Variants in GCNT2 observed in about 807,000 individuals in gnomAD.
GCNT2 encodes the protein glucosaminyl (N-acetyl) transferase 2 (I blood group).
Under a neutral mutation model 34.2 loss-of-function variants are expected in GCNT2, and 34 were observed. That is an observed-to-expected ratio of 1.00 (90% CI 0.76 to 1.32). GCNT2 has a LOEUF of 1.32. Ranked by LOEUF, GCNT2 falls within the 40% of genes most tolerant of loss-of-function variation. The pLI, the probability that GCNT2 is intolerant of heterozygous loss-of-function variation, is 0.00. For missense variants in GCNT2, 584 were observed against 489.4 expected (o/e 1.19, Z -1.82); for synonymous variants, 212 against 188.0 (o/e 1.13, Z -1.04).
intron 3 of GCNT2, among the ~76,000 whole-genome samples, chr6:10,617,997 C>T (rs1348651555): frequency 2.0e-5 from 3 of 151,906 alleles, no homozygotes; most frequent in African/African-American, 7.3e-5. Flanking sequence ...TCAGGTGATC[C>T]GCCCGCCTCG....
rs368235402 is a variant in GCNT2, at chr6:10,581,275, T to C, written c.926-40076T>C. Among the ~76,000 whole-genome samples the C allele has an allele frequency of 4.6e-5, 7 of 152,296 alleles. No individual in the cohort carries two copies. The South Asian group carries it at 1.4e-3, about 32-fold the overall frequency. On this transcript the variant is annotated intron_variant, in intron 3 of 4. Coordinates refer to ENST00000495262, the MANE Select transcript of GCNT2 (RefSeq NM_145649.5). ...TATGTATGTATTTATTTATTTTTTA[T>C]TTTTTATTTTTTGAGATGGAGTTTT... is the stretch of plus-strand genomic sequence containing the variant.
intron 3 of GCNT2, among the ~76,000 whole-genome samples, chr6:10,616,206 G>A (rs1316891903): frequency 2.0e-5 from 3 of 152,142 alleles, no homozygotes; most frequent in African/African-American, 2.4e-5. Flanking sequence ...AAGGCGGTGC[G>A]TTTGGAATTG....
chr6:10,611,749 A>C (rs1307967853), intron 3 of GCNT2, among the ~76,000 whole-genome samples: 1 of 152,238 alleles, frequency 6.6e-6, no homozygotes, highest in Non-Finnish European at 1.5e-5. Flanking sequence ...TGTTAAAGTT[A>C]ATTGAATTAT....
chr6:10,564,647 G>A (rs1031415134), intron 3 of GCNT2, among the ~76,000 whole-genome samples: 35 of 152,254 alleles, frequency 2.3e-4, no homozygotes, highest in African/African-American at 7.7e-4. Context: ...TCACTTAGAA[G>A]TTGTGTGACC....
intron 3 of GCNT2, among the ~76,000 whole-genome samples, chr6:10,588,715 G>GGTGT (rs745489286): frequency 2.6e-5 from 4 of 151,570 alleles, no homozygotes; most frequent in Non-Finnish European, 4.4e-5. Flanking sequence ...GCAGGGATAT[G>GGTGT]GTGTGTGTGT....
chr6:10,568,297 C>T (rs1199611679), intron 3 of GCNT2, among the ~76,000 whole-genome samples: 3 of 152,166 alleles, frequency 2.0e-5, no homozygotes, highest in Admixed American at 2.0e-4. Flanking sequence ...GCTTTCCACT[C>T]ACAGTCTCTG....
At chr6:10,581,914 T>C (rs1764083080) in intron 3 of GCNT2, 2 of 969,950 alleles carry the variant, frequency 2.1e-6, no homozygotes, top group African/African-American at 1.8e-5. Context: ...GTTCCCTTCA[T>C]ACAGTCACAT....
chr6:10,542,918 T>TTTTTTTTTTG (rs1554127853), intron 3 of GCNT2, among the ~76,000 whole-genome samples: 1 of 141,502 alleles, frequency 7.1e-6, no homozygotes, highest in Non-Finnish European at 1.5e-5. Flanking sequence ...TTTTTTTTTT[T>TTTTTTTTTTG]AATTTTGAGA....
At chr6:10,533,249 T>C (rs985870429) in intron 3 of GCNT2, among the ~76,000 whole-genome samples, 7 of 151,276 alleles carry the variant, frequency 4.6e-5, no homozygotes, top group African/African-American at 1.7e-4. Flanking sequence ...GAGGTTGCAG[T>C]GAGCCAAGAT....
At chr6:10,528,106 T>C (rs1347632914) in intron 2 of GCNT2, among the ~76,000 whole-genome samples, 2 of 152,176 alleles carry the variant, frequency 1.3e-5, no homozygotes, top group Non-Finnish European at 2.9e-5. Flanking sequence ...GAAGTTAGCC[T>C]TTATTCATCC....
In GCNT2 at chr6:10,557,493, CT is replaced by C. The variant is rs34815041; in HGVS notation, c.925+27669del. The C allele has an allele frequency of 0.28, 146,732 of 517,116 alleles. 5,551 individuals are homozygous for C. The highest frequency in any genetic ancestry group is 0.34 in the East Asian group (9,825 of 29,018). 32.0% of individuals were successfully genotyped at this position (517,116 alleles called of 1,614,324 possible). Reference sequence around the variant, plus strand: ...TCCTTTCTAAATGCAGAAAGATGTTCTTTTTTTTTTTTGAGACTGGATCTCA... The same window carrying C: ...TCCTTTCTAAATGCAGAAAGATGTTCTTTTTTTTTTTGAGACTGGATCTCA... On this transcript the variant is annotated intron_variant, in intron 3 of 4. Transcript: ENST00000495262.
In GCNT2 at chr6:10,621,314, C is replaced by T. The variant is rs9460944; in HGVS notation, c.926-37C>T. On this transcript the variant is annotated intron_variant, in intron 3 of 4. Transcript: ENST00000495262. ...TGAAATTGATGCCCTTCTCTCATGA[C>T]TCTCATCTCTACGCTTCTTCTTTAT... 78,290 of 1,309,680 alleles carry T rather than the reference C, an allele frequency of 0.06. 4,338 individuals carry two copies. The highest frequency in any genetic ancestry group is 0.27 in the African/African-American group (18,976 of 69,108). 81.1% of individuals were successfully genotyped at this position (1,309,680 alleles called of 1,614,324 possible).
chr6:10,557,096 G>T, intron 3 of GCNT2: 2 of 1,582,128 alleles, frequency 1.3e-6, no homozygotes, highest in Non-Finnish European at 1.7e-6. Context: ...TCATGCAATT[G>T]GACGGACTAA....
chr6:10,527,162 G>A (rs528037583), intron 1 of GCNT2, among the ~76,000 whole-genome samples: 10 of 152,232 alleles, frequency 6.6e-5, no homozygotes, highest in East Asian at 5.8e-4. Flanking sequence ...GGTGGCTCGC[G>A]CCTGTAATCC....
intron 3 of GCNT2, among the ~76,000 whole-genome samples, chr6:10,596,805 G>C (rs1764872947): frequency 8.3e-6 from 1 of 120,226 alleles, no homozygotes; most frequent in Non-Finnish European, 2.0e-5. Context: ...TTTGCCTTCA[G>C]CCAAATCTGA....
intron 3 of GCNT2, among the ~76,000 whole-genome samples, chr6:10,587,489 T>G (rs1764408605): frequency 6.6e-6 from 1 of 152,170 alleles, no homozygotes; most frequent in South Asian, 2.1e-4. Context: ...ACCTGATATT[T>G]TAGCCTGGAG....
intron 3 of GCNT2, among the ~76,000 whole-genome samples, chr6:10,607,795 G>A (rs1765388585): frequency 1.3e-5 from 2 of 152,168 alleles, no homozygotes; most frequent in African/African-American, 2.4e-5. Flanking sequence ...GCGCCATTCA[G>A]AGGGTTTTAA....
intron 4 of GCNT2, among the ~76,000 whole-genome samples, chr6:10,623,154 C>G (rs1766114016): frequency 6.6e-6 from 1 of 152,140 alleles, no homozygotes; most frequent in African/African-American, 2.4e-5. Flanking sequence ...TCATGTGTCT[C>G]TTGATGGTCT....
chr6:10,556,296 C>G, intron 3 of GCNT2: 1 of 1,530,046 alleles, frequency 6.5e-7, no homozygotes, highest in East Asian at 2.4e-5. Context: ...GAATCGATTC[C>G]CAGCGTCTCC....
Sources: gnomAD v4.1 joint callset for allele counts (sites outside exome capture counted in the v4.1 genomes callset) on GRCh38, gnomAD v4.1.1 for gene constraint, MANE v1.5 for transcripts, NCBI Gene and HGNC (gene_info 2026-07-23, HGNC 2026-07-21) for gene names.